Variants in KEL observed in about 807,000 individuals in gnomAD.
KEL encodes the protein Kell metallo-endopeptidase (Kell blood group), also known as kell blood group glycoprotein.
A neutral mutation model predicts 99.5 loss-of-function variants in KEL; 96 were observed. The observed-to-expected ratio is 0.97, with a 90% confidence interval of 0.82 to 1.14. The LOEUF (loss-of-function observed/expected upper bound fraction) is 1.14, where lower values mean the gene tolerates loss of function less well. KEL is among the 50% of genes most tolerant of loss of function. KEL has a pLI of 0.00. For missense variants in KEL, 926 were observed against 924.2 expected, an observed-to-expected ratio of 1.00 and a Z score of -0.03; for synonymous variants, 355 against 354.8, an observed-to-expected ratio of 1.00 and a Z score of -0.01.
intron 10 of KEL, among the ~76,000 whole-genome samples, chr7:142,948,786 C>T (rs551569981): frequency 5.9e-5 from 9 of 152,222 alleles, no homozygotes; most frequent in African/African-American, 2.2e-4. Flanking sequence ...AACATCAGAG[C>T]TACAGGCTGT....
chr7:142,953,939 G>T lies in KEL; in HGVS notation c.942C>A (p.Ile314=). 1 of 1,614,174 alleles carries T rather than the reference G, an allele frequency of 6.2e-7. No homozygotes were observed. The highest frequency in any genetic ancestry group is 8.5e-7 in the Non-Finnish European group (1 of 1,180,000). ...IDQLKEMAPA[I]DWLSCLQATF... ...TCGCTTGCAAGCAGGACAACCAGTC[G>T]ATGGCGGGGGCCATTTCCTTAGAGG... Residue 314 remains isoleucine, a synonymous_variant, in exon 9 of 19, where the codon ATC becomes ATA. Coordinates refer to ENST00000355265, the MANE Select transcript of KEL (RefSeq NM_000420.3).
At chr7:142,961,170 G>C (rs2116352943) in intron 3 of KEL, 66 bp from the exon 4 acceptor site, 1 of 1,578,068 alleles carries the variant, frequency 6.3e-7, no homozygotes, top group Admixed American at 1.7e-5. Flanking sequence ...CAAGGGGCTA[G>C]GCAAAGAACA....
At position 142,952,535 on chromosome 7, in the gene KEL, G is replaced by A. The variant is rs753665197; in HGVS notation, c.1177C>T (p.Arg393Trp). 31 of 1,613,906 alleles carry A rather than the reference G, an allele frequency of 1.9e-5. No individual in the cohort carries two copies. The highest frequency in any genetic ancestry group is 8.9e-5 in the East Asian group (4 of 44,884). The stretch of plus-strand genomic sequence containing the variant: ...ATGGGTGGTTGCTCTGTCAGTTCCC[G>A]CAGTTTCTGGCTGAGCTTTCTGCGT... The part of the protein sequence containing the change: ...EARRKLSQKL[R>W]ELTEQPPMPA... Residue 393 changes from arginine to tryptophan, a missense_variant, in exon 10 of 19, where the codon CGG (arginine) becomes TGG (tryptophan). Physicochemically the swap from Arg to Trp is moderately radical, Grantham distance 101. Transcript: ENST00000355265.
In KEL at chr7:142,944,638, C is replaced by T. The variant is rs373688977; in HGVS notation, c.1413+5G>A. ...TCCCACACCAGCCAGGACGCCTGGC[C>T]TGACCTTGTCCTGGGCCATGTTCTG... On this transcript the variant is annotated splice_donor_5th_base_variant and intron_variant, in intron 12 of 18. Transcript: ENST00000355265. 1.2e-3 allele frequency: 1,881 copies of T among 1,611,760 alleles called. 3 individuals carry two copies. Among genetic ancestry groups the T allele is most frequent in the Middle Eastern group, 3.0e-3 (18 of 6,058 alleles).
intron 10 of KEL, among the ~76,000 whole-genome samples, chr7:142,947,309 C>T (rs781039934): frequency 1.3e-5 from 2 of 152,132 alleles, no homozygotes; most frequent in African/African-American, 2.4e-5. Context: ...GACCTGCCCA[C>T]GGGGAAGGTA....
Position 142,941,245 on chromosome 7 carries a change from A to G in KEL, c.*7T>C, listed in dbSNP as rs1485196479. 1 of 1,613,936 alleles carries G rather than the reference A, an allele frequency of 6.2e-7. No individual in the cohort carries two copies. The highest frequency in any genetic ancestry group is 1.3e-5 in the African/African-American group (1 of 74,900). ...ATTTCTGTGCTGTGGCATCTTTGGT[A>G]ACCAAGTTACCAGAGCTGGCAGCGG... is the stretch of plus-strand genomic sequence containing the variant. On this transcript the variant is annotated 3_prime_UTR_variant, in exon 19 of 19. Coordinates refer to ENST00000355265, the MANE Select transcript of KEL (RefSeq NM_000420.3).
At chr7:142,947,260 C>A (rs751306120) in intron 10 of KEL, among the ~76,000 whole-genome samples, 1 of 152,098 alleles carries the variant, frequency 6.6e-6, no homozygotes, top group African/African-American at 2.4e-5. Context: ...CAGGATGAAG[C>A]CTCAAAACTT....
At chr7:142,952,483 G>A (rs1796710984) in intron 10 of KEL, 26 bp downstream of exon 10, 9 of 1,612,810 alleles carry the variant, frequency 5.6e-6, no homozygotes, top group Non-Finnish European at 7.6e-6. Context: ...GAGTATCTGG[G>A]CAAATACACC....
At chr7:142,953,453 C>T (rs1216909260) in intron 9 of KEL, 2 of 907,830 alleles carry the variant, frequency 2.2e-6, no homozygotes, top group Non-Finnish European at 2.6e-6. Context: ...AAAAGACATA[C>T]ATACACTTAA....
chr7:142,942,786 C>T (rs1796396850), intron 17 of KEL, 89 bp downstream of exon 17: 2 of 1,507,874 alleles, frequency 1.3e-6, no homozygotes, highest in Admixed American at 1.7e-5. Flanking sequence ...TGCAACTGTA[C>T]TTGTGTCAGG....
chr7:142,960,119 T>G (rs1296722945), intron 4 of KEL, among the ~76,000 whole-genome samples: 1 of 152,226 alleles, frequency 6.6e-6, no homozygotes, highest in Non-Finnish European at 1.5e-5. Flanking sequence ...CCAGCCTCCA[T>G]CTGCAGGAAC....
intron 1 of KEL, 73 bp from the exon 2 acceptor site, chr7:142,961,945 A>C: frequency 6.3e-7 from 1 of 1,599,884 alleles, no homozygotes; most frequent in South Asian, 1.1e-5. Flanking sequence ...GAGTTTTATC[A>C]GGCCATTTTG....
intron 5 of KEL, 123 bp from the exon 6 acceptor site, chr7:142,958,096 G>A: frequency 1.5e-6 from 2 of 1,359,142 alleles, no homozygotes; most frequent in Non-Finnish European, 2.1e-6. Flanking sequence ...ATTCCTCTAG[G>A]AAGCCACATC....
At chr7:142,954,601 T>A in intron 6 of KEL, 74 bp from the exon 7 acceptor site, 3 of 1,303,136 alleles carry the variant, frequency 2.3e-6, no homozygotes, top group South Asian at 2.4e-5. Flanking sequence ...AGGTGGGGAA[T>A]ATACCATGGG....
intron 10 of KEL, among the ~76,000 whole-genome samples, chr7:142,951,677 C>T (rs1323558891): frequency 6.6e-6 from 1 of 152,158 alleles, no homozygotes; most frequent in Non-Finnish European, 1.5e-5. Flanking sequence ...ACACCATTAG[C>T]TCTTGATAAG....
At chr7:142,944,463 A>T in intron 12 of KEL, 63 bp from the exon 13 acceptor site, 1 of 1,403,456 alleles carries the variant, frequency 7.1e-7, no homozygotes. Flanking sequence ...AATTTCTCCC[A>T]CTCGTTGCCC....
intron 10 of KEL, among the ~76,000 whole-genome samples, chr7:142,949,471 T>A (rs1454731278): frequency 6.6e-6 from 1 of 152,246 alleles, no homozygotes; most frequent in Non-Finnish European, 1.5e-5. Context: ...CCTGTTTTGC[T>A]TTTCTTCATA....
intron 18 of KEL, among the ~76,000 whole-genome samples, chr7:142,941,773 G>A (rs1462988515): frequency 1.3e-5 from 2 of 151,774 alleles, no homozygotes; most frequent in Non-Finnish European, 2.9e-5. Flanking sequence ...TCAGGTGTCT[G>A]AAGAGGAATG....
intron 2 of KEL, 77 bp downstream of exon 2, chr7:142,961,718 G>C: frequency 7.4e-7 from 1 of 1,353,242 alleles, no homozygotes; most frequent in Non-Finnish European, 1.1e-6. Flanking sequence ...ACAGTTAGTA[G>C]ATGAGTGTTT....
Sources: gnomAD v4.1 joint callset for allele counts (sites outside exome capture counted in the v4.1 genomes callset) on GRCh38, gnomAD v4.1.1 for gene constraint, MANE v1.5 for transcripts, NCBI Gene and HGNC (gene_info 2026-07-23, HGNC 2026-07-21) for gene names.